The following DPP10 variants were observed in gnomAD, a reference collection of about 807,000 sequenced individuals.
DPP10 encodes the protein inactive dipeptidyl peptidase 10.
Under a neutral mutation model 120.9 loss-of-function variants are expected in DPP10, and 33 were observed. The observed-to-expected ratio is 0.27, with a 90% CI of 0.21 to 0.37. The LOEUF (loss-of-function observed/expected upper bound fraction) is 0.37, where lower values mean the gene tolerates loss of function less well. DPP10 is among the 10% of genes least tolerant of loss of function. The pLI is 1.00. For missense variants in DPP10, 816 were observed against 942.8 expected (o/e 0.87, Z 1.76); for synonymous variants, 337 against 326.1 (o/e 1.03, Z -0.36).
intron 1 of DPP10, among the ~76,000 whole-genome samples, chr2:114,952,343 A>G (rs1697856643): frequency 6.6e-6 from 1 of 152,172 alleles, no homozygotes; most frequent in African/African-American, 2.4e-5. Flanking sequence ...ATGCTTTCCC[A>G]TGCAAACAAA....
At chr2:115,055,161 A>C (rs572327510) in intron 1 of DPP10, among the ~76,000 whole-genome samples, 1 of 152,236 alleles carries the variant, frequency 6.6e-6, no homozygotes, top group African/African-American at 2.4e-5. Flanking sequence ...GTTTTCTTTC[A>C]AAGAGGCTAG....
chr2:114,806,036 A>G (rs559057868), intron 1 of DPP10, among the ~76,000 whole-genome samples: 34 of 152,292 alleles, frequency 2.2e-4, no homozygotes, highest in Admixed American at 2.0e-3. Context: ...ATGATTTCCA[A>G]TCCCCTCCCA....
At chr2:114,894,395 G>A (rs1472448801) in intron 1 of DPP10, among the ~76,000 whole-genome samples, 1 of 152,148 alleles carries the variant, frequency 6.6e-6, no homozygotes, top group Non-Finnish European at 1.5e-5. Flanking sequence ...GGTTGAGGAT[G>A]AAAATTTGGC....
intron 1 of DPP10, among the ~76,000 whole-genome samples, chr2:114,523,465 T>A (rs1014119353): frequency 1.3e-5 from 2 of 152,182 alleles, no homozygotes; most frequent in Admixed American, 1.3e-4. Context: ...CCCAATGGTG[T>A]CTCCTGTAGA....
chr2:115,464,696 A>G (rs1376036592), intron 3 of DPP10, among the ~76,000 whole-genome samples: 1 of 152,140 alleles, frequency 6.6e-6, no homozygotes, highest in African/African-American at 2.4e-5. Context: ...GGGCTTGGAG[A>G]GGAATGTTCA....
At position 115,836,222 on chromosome 2, in the gene DPP10, C is replaced by T. The variant is rs369883174; in HGVS notation, c.2016C>T (p.Ser672=). The change falls in exon 22 of 26, where the codon TCC becomes TCT. Residue 672 remains serine, a synonymous_variant. Coordinates refer to ENST00000410059, the MANE Select transcript of DPP10 (RefSeq NM_020868.6). ...ATGAAAAGCTTTTTAAATGTGGATC[C>T]GTGGTTGCACCTATCACAGACTTGA... is the stretch of plus-strand genomic sequence containing the variant. ...KSDEKLFKCG[S]VVAPITDLKL... 1.2e-5 allele frequency: 20 copies of T among 1,607,106 alleles called. No individual in the cohort carries two copies. Among genetic ancestry groups the T allele is most frequent in the African/African-American group, 9.4e-5 (7 of 74,502 alleles).
intron 3 of DPP10, among the ~76,000 whole-genome samples, chr2:115,373,724 A>G (rs1340555536): frequency 1.3e-5 from 2 of 152,006 alleles, no homozygotes; most frequent in East Asian, 1.9e-4. Context: ...TCATGTTGCT[A>G]CAAATAACCA....
intron 1 of DPP10, among the ~76,000 whole-genome samples, chr2:115,104,271 C>A (rs1235929269): frequency 6.8e-6 from 1 of 146,180 alleles, no homozygotes; most frequent in East Asian, 2.1e-4. Flanking sequence ...GCCTTGACCT[C>A]CTGAGCTCAA....
intron 5 of DPP10, among the ~76,000 whole-genome samples, chr2:115,642,005 C>T (rs144237309): frequency 6.6e-6 from 1 of 152,242 alleles, no homozygotes; most frequent in East Asian, 1.9e-4. Flanking sequence ...TCCTCTTCAA[C>T]ACCCACAGAA....
In DPP10 at chr2:114,698,036, C is replaced by A. The variant is rs564696392; in HGVS notation, c.60+255198C>A. Among the ~76,000 whole-genome samples the A allele has an allele frequency of 5.9e-5, 9 of 152,138 alleles. No individual in the cohort carries two copies. The South Asian group carries it at 1.9e-3, about 32-fold the overall frequency. ...TATAAAAGAAATGTCCTCTTCTATGCAGGAATATTTGTATTTCATGTTGGA... is the reference window on the plus strand; with the variant it reads ...TATAAAAGAAATGTCCTCTTCTATGAAGGAATATTTGTATTTCATGTTGGA... On this transcript the variant is annotated intron_variant, in intron 1 of 25. Coordinates refer to ENST00000410059, the MANE Select transcript of DPP10 (RefSeq NM_020868.6).
chr2:114,660,505 T>C (rs1697319963), intron 1 of DPP10, among the ~76,000 whole-genome samples: 1 of 152,130 alleles, frequency 6.6e-6, no homozygotes, highest in Admixed American at 6.5e-5. Context: ...CACTCAGTAC[T>C]TAGTATGGCT....
intron 1 of DPP10, among the ~76,000 whole-genome samples, chr2:114,800,383 A>G (rs1414507514): frequency 6.6e-6 from 1 of 152,244 alleles, no homozygotes; most frequent in Non-Finnish European, 1.5e-5. Flanking sequence ...TTATTTTTCT[A>G]GAACACTGAT....
intron 1 of DPP10, among the ~76,000 whole-genome samples, chr2:114,513,481 A>G (rs1259159697): frequency 3.5e-5 from 5 of 143,250 alleles, no homozygotes; most frequent in African/African-American, 1.3e-4. Flanking sequence ...AGATTGCACC[A>G]CTGCACTCCA....
At chr2:115,248,153 T>G (rs2058613893) in intron 1 of DPP10, among the ~76,000 whole-genome samples, 1 of 152,178 alleles carries the variant, frequency 6.6e-6, no homozygotes, top group South Asian at 2.1e-4. Context: ...CATGAAGATT[T>G]GTCCTGTGTT....
Position 115,539,136 on chromosome 2 carries a change from C to G in DPP10, c.441+13164C>G, listed in dbSNP as rs563418992. On this transcript the variant is annotated intron_variant, in intron 5 of 25. Transcript: ENST00000410059. ...GGCTTATTGGAAAACACCTGGGATA[C>G]TCTAGCCAATTAGAGGCTGTATAGG... Among the ~76,000 whole-genome samples the G allele has an allele frequency of 4.0e-5, 6 of 151,890 alleles. 1 individual carries two copies. In the South Asian group the frequency reaches 1.2e-3, roughly 32 times the overall value.
Position 115,392,151 on chromosome 2 carries a change from G to A in DPP10, c.271+48239G>A, listed in dbSNP as rs193101601. ...TTCAATTTACTTATTCTCTGTTGTC[G>A]ATGGGAAATCAATTCAAAGTCTCGT... On this transcript the variant is annotated intron_variant, in intron 3 of 25. Coordinates refer to ENST00000410059, the MANE Select transcript of DPP10 (RefSeq NM_020868.6). 3.5e-3 allele frequency among the ~76,000 whole-genome samples: 537 copies of A among 151,940 alleles called. 4 individuals are homozygous for A. Among genetic ancestry groups the A allele is most frequent in the Non-Finnish European group, 2.6e-3 (174 of 67,974 alleles).
chr2:114,920,335 C>T (rs1003175705), intron 1 of DPP10, among the ~76,000 whole-genome samples: 2 of 152,234 alleles, frequency 1.3e-5, no homozygotes, highest in African/African-American at 4.8e-5. Context: ...CTGATTCTCT[C>T]ATCCAGCTGT....
intron 3 of DPP10, among the ~76,000 whole-genome samples, chr2:115,480,473 TG>T (rs2075362354): frequency 6.6e-6 from 1 of 152,012 alleles, no homozygotes; most frequent in Non-Finnish European, 1.5e-5. Context: ...ATTGAAAAAA[TG>T]TATTCATTCT....
intron 3 of DPP10, among the ~76,000 whole-genome samples, chr2:115,388,930 A>AC (rs11372747): frequency 0.77 from 117,676 of 152,030 alleles, 46,342 homozygotes; most frequent in Non-Finnish European, 0.84. Flanking sequence ...TATTCTTTTA[A>AC]CTTTGAAGGT....
Sources: allele counts gnomAD v4.1 joint callset (sites outside exome capture counted in the v4.1 genomes callset), GRCh38; gene constraint gnomAD v4.1.1; transcripts MANE v1.5; gene names NCBI Gene and HGNC (gene_info 2026-07-23, HGNC 2026-07-21).